Variants in ADIPOR2 observed in about 807,000 individuals in gnomAD.
ADIPOR2 encodes adiponectin receptor protein 2.
Under a neutral mutation model 40.9 loss-of-function variants are expected in ADIPOR2, and 18 were observed. The observed-to-expected ratio is 0.44, with a 90% CI of 0.30 to 0.65. ADIPOR2 has a LOEUF of 0.65. ADIPOR2 is among the 30% of genes least tolerant of loss of function. The pLI is 0.09. For synonymous variants in ADIPOR2, 165 were observed against 166.4 expected (o/e 0.99, Z 0.06); for missense variants, 283 against 479.2 (o/e 0.59, Z 3.82).
chr12:1,707,937 G>A (rs2094666861), intron 1 of ADIPOR2, among the ~76,000 whole-genome samples: 1 of 152,076 alleles, frequency 6.6e-6, no homozygotes, highest in Non-Finnish European at 1.5e-5. Context: ...GTGGATACAA[G>A]TACTTTGTCA....
At chr12:1,695,148 TAG>T (rs528035984) in intron 1 of ADIPOR2, among the ~76,000 whole-genome samples, 74 of 152,098 alleles carry the variant, frequency 4.9e-4, no homozygotes, top group African/African-American at 1.7e-3. Context: ...CCCAAAGTGT[TAG>T]GGTTACAGAC....
chr12:1,717,496 G>C (rs568766855), intron 1 of ADIPOR2, among the ~76,000 whole-genome samples: 4 of 152,056 alleles, frequency 2.6e-5, no homozygotes, highest in African/African-American at 9.7e-5. Flanking sequence ...ACCTGAGGTC[G>C]GGAGTTCGAG....
chr12:1,748,898 G>A (rs377029430), intron 1 of ADIPOR2, among the ~76,000 whole-genome samples: 68 of 151,796 alleles, frequency 4.5e-4, no homozygotes, highest in African/African-American at 7.5e-4. Flanking sequence ...CACTATCTCC[G>A]GGTCATTGGT....
chr12:1,779,133 A>C (rs1373208443), intron 4 of ADIPOR2, among the ~76,000 whole-genome samples: 1 of 152,242 alleles, frequency 6.6e-6, no homozygotes, highest in East Asian at 1.9e-4. Context: ...GCAGTTCCTC[A>C]AAAAGTTACA....
At chr12:1,751,542 T>C (rs1461583239) in intron 1 of ADIPOR2, among the ~76,000 whole-genome samples, 1 of 152,134 alleles carries the variant, frequency 6.6e-6, no homozygotes, top group Non-Finnish European at 1.5e-5. Context: ...GGTCTTTGCT[T>C]TGTTACTCAG....
rs1436204374 is a variant in ADIPOR2, at chr12:1,780,461, C to T, written c.474C>T (p.Phe158=). The T allele has an allele frequency of 1.2e-6, 2 of 1,609,174 alleles. No individual in the cohort carries two copies. Among genetic ancestry groups the T allele is most frequent in the Non-Finnish European group, 1.7e-6 (2 of 1,178,458 alleles). ...NIWTHLLGCV[F]FLCLGIFYMF... The stretch of plus-strand genomic sequence containing the variant: ...TGCTCTTTTTCCTAGGTTGTGTATT[C>T]TTCCTGTGCCTGGGGATCTTTTATA... The change falls in exon 5 of 8, where the codon TTC becomes TTT. Residue 158 remains phenylalanine, a synonymous_variant. Coordinates refer to ENST00000357103, the MANE Select transcript of ADIPOR2 (RefSeq NM_024551.3).
intron 1 of ADIPOR2, among the ~76,000 whole-genome samples, chr12:1,753,828 C>G (rs1383627805): frequency 6.6e-6 from 1 of 151,098 alleles, no homozygotes; most frequent in East Asian, 1.9e-4. Context: ...ATTTAGAATT[C>G]TAATTTCTAA....
Position 1,743,229 on chromosome 12 carries a change from C to CAA in ADIPOR2, c.-86-11013_-86-11012dup, listed in dbSNP as rs552711963. On this transcript the variant is annotated intron_variant, in intron 1 of 7. Coordinates refer to ENST00000357103, the MANE Select transcript of ADIPOR2 (RefSeq NM_024551.3). Reference sequence around the variant, plus strand: ...CAGCATGGTGAAACCCCATCTCTACCAAAAAAAAAAAAAAAAACAAAGCAG... The same window carrying CAA: ...CAGCATGGTGAAACCCCATCTCTACCAAAAAAAAAAAAAAAAAAACAAAGCAG... 2.8e-3 allele frequency among the ~76,000 whole-genome samples: 153 copies of CAA among 55,266 alleles called. 3 individuals carry two copies. The highest frequency in any genetic ancestry group is 9.1e-3 in the African/African-American group (137 of 15,106). 36.3% of individuals were successfully genotyped at this position (55,266 alleles called of 152,430 possible). A position where few individuals can be genotyped will look rare whatever the true frequency, so the allele number is the denominator to read the frequency against.
chr12:1,704,117 A>T (rs962665138), intron 1 of ADIPOR2, among the ~76,000 whole-genome samples: 1 of 86,088 alleles, frequency 1.2e-5, no homozygotes, highest in African/African-American at 4.7e-5. Flanking sequence ...TAATTTTATT[A>T]TATGTATACC....
intron 1 of ADIPOR2, among the ~76,000 whole-genome samples, chr12:1,735,556 C>G (rs1341474290): frequency 1.3e-5 from 2 of 152,170 alleles, no homozygotes; most frequent in Non-Finnish European, 2.9e-5. Flanking sequence ...GACAGTTTGA[C>G]TTCTTCTTTT....
chr12:1,759,752 C>T (rs56338509), intron 2 of ADIPOR2, among the ~76,000 whole-genome samples: 10,645 of 152,080 alleles, frequency 0.07, 995 homozygotes, highest in African/African-American at 0.21. Flanking sequence ...CCTGGCCAGG[C>T]GCAGTGGCTC....
intron 7 of ADIPOR2, among the ~76,000 whole-genome samples, 157 bp from the exon 8 acceptor site, chr12:1,785,787 G>A (rs564654611): frequency 6.6e-6 from 1 of 152,330 alleles, no homozygotes; most frequent in Non-Finnish European, 1.5e-5. Context: ...CCTAATGGAT[G>A]TTCCAGGATC....
chr12:1,743,935 C>T (rs1360216857), intron 1 of ADIPOR2, among the ~76,000 whole-genome samples: 2 of 152,122 alleles, frequency 1.3e-5, no homozygotes, highest in African/African-American at 4.8e-5. Flanking sequence ...TTTTTCCAGA[C>T]TGTGTCATTG....
At chr12:1,722,015 G>GT (rs142904995) in intron 1 of ADIPOR2, among the ~76,000 whole-genome samples, 3,534 of 152,306 alleles carry the variant, frequency 0.023, 44 homozygotes, top group Middle Eastern at 0.054. Flanking sequence ...GTGGAGGGCT[G>GT]TAGCAGGGGG....
intron 1 of ADIPOR2, among the ~76,000 whole-genome samples, chr12:1,708,104 A>G (rs1276852391): frequency 1.3e-5 from 2 of 152,218 alleles, no homozygotes; most frequent in African/African-American, 4.8e-5. Context: ...AGCTATTTAT[A>G]TAGCATTTAA....
At chr12:1,782,972 C>CT (rs1565660196) in intron 6 of ADIPOR2, among the ~76,000 whole-genome samples, 2 of 98,244 alleles carry the variant, frequency 2.0e-5, no homozygotes, top group African/African-American at 8.8e-5. Flanking sequence ...TTCTTTCTTT[C>CT]TTTCTTTTTT....
chr12:1,777,160 A>C (rs764769667), intron 3 of ADIPOR2, among the ~76,000 whole-genome samples: 9 of 152,220 alleles, frequency 5.9e-5, no homozygotes, highest in Non-Finnish European at 1.3e-4. Flanking sequence ...AGGAATATTA[A>C]ATATAAAAAT....
intron 1 of ADIPOR2, among the ~76,000 whole-genome samples, chr12:1,735,356 A>C (rs1380129721): frequency 3.3e-5 from 5 of 152,188 alleles, no homozygotes; most frequent in African/African-American, 1.2e-4. Context: ...TCTTTGAAGC[A>C]ATTGTGAATG....
At chr12:1,714,565 A>C (rs2094683936) in intron 1 of ADIPOR2, among the ~76,000 whole-genome samples, 1 of 152,056 alleles carries the variant, frequency 6.6e-6, no homozygotes, top group African/African-American at 2.4e-5. Context: ...GTCATTGAAT[A>C]ATTCATGGGC....
Sources: allele counts gnomAD v4.1 joint callset (sites outside exome capture counted in the v4.1 genomes callset), GRCh38; gene constraint gnomAD v4.1.1; transcripts MANE v1.5; gene names NCBI Gene and HGNC (gene_info 2026-07-23, HGNC 2026-07-21).